APCDD1L: variants seen among roughly 807,000 people sequenced by gnomAD.
The protein encoded by APCDD1L is protein APCDD1-like.
Under a neutral mutation model 24.2 loss-of-function variants are expected in APCDD1L, and 21 were observed. The ratio of observed to expected loss-of-function variants is 0.87; its 90% CI spans 0.61 to 1.25. The LOEUF is 1.25. Among genes scored for constraint, APCDD1L ranks in the 50% most tolerant of loss-of-function variants. The pLI, the probability that APCDD1L is intolerant of heterozygous loss-of-function variation, is 0.00. For synonymous variants in APCDD1L, 321 were observed against 323.6 expected (o/e 0.99, Z 0.09); for missense variants, 704 against 711.7 (o/e 0.99, Z 0.12).
Position 58,514,710 on chromosome 20 carries a change from C to G in APCDD1L, c.-3G>C, listed in dbSNP as rs764834959. ...TAGGGGAGCATGGCTGCGGGCATCCCGTCGGGGCTGGCAGGACCGCCCGCC... is the reference window on the plus strand; with the variant it reads ...TAGGGGAGCATGGCTGCGGGCATCCGGTCGGGGCTGGCAGGACCGCCCGCC... On this transcript the variant is annotated 5_prime_UTR_variant, in exon 1 of 4. Transcript: ENST00000371149. The G allele has an allele frequency of 4.6e-6, 6 of 1,308,182 alleles. No individual in the cohort carries two copies. The East Asian group carries it at 8.5e-5, about 18-fold the overall frequency. The allele number at this position is 1,308,182 out of a possible 1,614,324, so 81.0% of individuals were successfully genotyped here. A position where few individuals can be genotyped will look rare whatever the true frequency, so the allele number is the denominator to read the frequency against.
At chr20:58,468,729 G>A (rs1205600595) in intron 2 of APCDD1L, among the ~76,000 whole-genome samples, 3 of 151,978 alleles carry the variant, frequency 2.0e-5, no homozygotes, top group African/African-American at 4.8e-5. Flanking sequence ...CACCATGCCC[G>A]GCCAATTTTT....
At chr20:58,478,950 G>T (rs537410394) in intron 1 of APCDD1L, among the ~76,000 whole-genome samples, 24 of 152,140 alleles carry the variant, frequency 1.6e-4, no homozygotes, top group South Asian at 6.2e-4. Flanking sequence ...AGGCTTAGAT[G>T]GGTTGGATCT....
Position 58,461,423 on chromosome 20 carries a change from C to A in APCDD1L, c.873G>T (p.Val291=). Residue 291 remains valine (V), a synonymous_variant, in exon 4 of 4, where the codon GTG becomes GTT. Transcript: ENST00000371149. This position sits in a 1 kb window ranked among gnomAD's most constrained non-coding sequence, Gnocchi z 6.0. ...GGGTGAGGAACAGGACTGCTGGGCG[C>A]ACCTCGCACCCCGAGCTGACCCACC... The part of the protein sequence containing the change: ...GGWWVSSGCE[V]RPAVLFLTRL... 6.5e-7 allele frequency: 1 copy of A among 1,531,586 alleles called. No individual in the cohort carries two copies. Among genetic ancestry groups the A allele is most frequent in the East Asian group, 2.3e-5 (1 of 43,700 alleles). The allele number at this position is 1,531,586 out of a possible 1,614,324, so 94.9% of individuals were successfully genotyped here.
At chr20:58,473,020 T>C (rs762482185) in intron 1 of APCDD1L, among the ~76,000 whole-genome samples, 6 of 152,174 alleles carry the variant, frequency 3.9e-5, no homozygotes, top group African/African-American at 7.2e-5. Flanking sequence ...ACATCTTCAG[T>C]GTCAACGAAA....
At chr20:58,499,366 A>T (rs1260486576) in intron 1 of APCDD1L, among the ~76,000 whole-genome samples, 1 of 152,130 alleles carries the variant, frequency 6.6e-6, no homozygotes, top group African/African-American at 2.4e-5. Context: ...AATGGAACCC[A>T]AGGGAAGCCT....
Position 58,494,423 on chromosome 20 carries a change from C to G in APCDD1L, c.49+20236G>C, listed in dbSNP as rs1990282022. On this transcript the variant is annotated intron_variant, in intron 1 of 3. Transcript: ENST00000371149. The surrounding 1 kb of genome is among the most constrained non-coding windows in gnomAD (Gnocchi z 4.8). Reference sequence around the variant, plus strand: ...GATCGGCTCACTGCAGCCTCAAACTCCCCGGCTCAAGCCATCCTCTGGCCT... The same window carrying G: ...GATCGGCTCACTGCAGCCTCAAACTGCCCGGCTCAAGCCATCCTCTGGCCT... Among the ~76,000 whole-genome samples the G allele has an allele frequency of 6.6e-6, 1 of 152,154 alleles. No homozygotes were observed. The highest frequency in any genetic ancestry group is 1.5e-5 in the Non-Finnish European group (1 of 68,046).
chr20:58,483,544 TA>T, intron 1 of APCDD1L, among the ~76,000 whole-genome samples: 1 of 152,134 alleles, frequency 6.6e-6, no homozygotes, highest in Admixed American at 6.5e-5. Context: ...CACAGAGGGA[TA>T]GATTATTTTA....
At position 58,460,148 on chromosome 20, in the gene APCDD1L, A is replaced by T. The variant is rs1989567727; in HGVS notation, c.*642T>A. 1 of 152,288 alleles carries T rather than the reference A, an allele frequency of 6.6e-6. No individual in the cohort carries two copies. The highest frequency in any genetic ancestry group is 1.5e-5 in the Non-Finnish European group (1 of 68,070). The allele number at this position is 152,288 out of a possible 1,614,324, so 9.4% of individuals were successfully genotyped here. ...AGCTTGAGGTCCGACTCGCAGAAGCACAGGCAAATGCAGACGAATGCCAGC... is the reference window on the plus strand; with the variant it reads ...AGCTTGAGGTCCGACTCGCAGAAGCTCAGGCAAATGCAGACGAATGCCAGC... On this transcript the variant is annotated 3_prime_UTR_variant, in exon 4 of 4. Coordinates refer to ENST00000371149, the MANE Select transcript of APCDD1L (RefSeq NM_153360.3). This position sits in a 1 kb window ranked among gnomAD's most constrained non-coding sequence, Gnocchi z 4.2.
At position 58,470,658 on chromosome 20, in the gene APCDD1L, T is replaced by C; in HGVS notation, c.139A>G (p.Ser47Gly). 2 of 1,574,718 alleles carry C rather than the reference T, an allele frequency of 1.3e-6. No individual in the cohort carries two copies. The highest frequency in any genetic ancestry group is 1.2e-5 in the South Asian group (1 of 85,700). The change falls in exon 2 of 4, where the codon AGC (serine) becomes GGC (glycine). Residue 47 changes from serine to glycine, a missense_variant. By Grantham distance (56) the Ser-to-Gly change is moderately conservative (BLOSUM62 0). Transcript: ENST00000371149. ...CQQPLPDRVP[S>G]TAILPPRLNG... is the part of the protein sequence containing the mutation. ...AGGCGTGGAGGCAGGATCGCAGTGC[T>C]GGGCACTCTATCTGGCAAGGGCTGC...
chr20:58,489,538 G>T (rs1021055512), intron 1 of APCDD1L, among the ~76,000 whole-genome samples: 2 of 151,968 alleles, frequency 1.3e-5, no homozygotes, highest in African/African-American at 2.4e-5. Context: ...AAAAAAATTA[G>T]CTGGGTGTGG....
intron 1 of APCDD1L, among the ~76,000 whole-genome samples, chr20:58,478,212 T>A (rs1989948887): frequency 6.6e-6 from 1 of 152,162 alleles, no homozygotes; most frequent in Admixed American, 6.5e-5. Context: ...CATTTTGTAT[T>A]TTTTTCAGTC....
chr20:58,508,622 C>A lies in APCDD1L; in HGVS notation c.49+6037G>T, dbSNP rs8119783. ...CTGGAGGAGCTGAGGAGGGCCTCTG[C>A]GGCAGGGCCCTTCAGTGCAGCTGTG... is the stretch of plus-strand genomic sequence containing the variant. On this transcript the variant is annotated intron_variant, in intron 1 of 3. Coordinates refer to ENST00000371149, the MANE Select transcript of APCDD1L (RefSeq NM_153360.3). This position sits in a 1 kb window ranked among gnomAD's most constrained non-coding sequence, Gnocchi z 4.0. Among the ~76,000 whole-genome samples, 2 of 152,094 alleles carry A rather than the reference C, an allele frequency of 1.3e-5. No individual in the cohort carries two copies. The highest frequency in any genetic ancestry group is 6.5e-5 in the Admixed American group (1 of 15,278).
chr20:58,480,231 G>A (rs1016359159), intron 1 of APCDD1L, among the ~76,000 whole-genome samples: 9 of 152,144 alleles, frequency 5.9e-5, no homozygotes, highest in Non-Finnish European at 1.2e-4. Context: ...CCCTCCACCC[G>A]CCGCAGCCTT....
rs1172718690 is a variant in APCDD1L, at chr20:58,467,161, G to T, written c.686C>A (p.Ala229Glu). The stretch of plus-strand genomic sequence containing the variant: ...CGTGGGCCGGTAGTGCCGCCTCTCC[G>T]CCGGGTCGGTGTGGATGTCCCCCAG... ...LYLGDIHTDP[A>E]ERRHYRPTGY... Residue 229 changes from alanine (A) to glutamate (E), a missense_variant, in exon 3 of 4, where the codon GCG becomes GAG. Coordinates refer to ENST00000371149, the MANE Select transcript of APCDD1L (RefSeq NM_153360.3). This position sits in a 1 kb window ranked among gnomAD's most constrained non-coding sequence, Gnocchi z 5.9. 6 of 1,607,810 alleles carry T rather than the reference G, an allele frequency of 3.7e-6. No individual in the cohort carries two copies. In the Admixed American group the frequency reaches 5.0e-5, roughly 13 times the overall value.
chr20:58,472,880 T>C (rs1040338190), intron 1 of APCDD1L, among the ~76,000 whole-genome samples: 1 of 152,186 alleles, frequency 6.6e-6, no homozygotes, highest in African/African-American at 2.4e-5. Context: ...CAGATCCCCA[T>C]GCAACTCGCC....
chr20:58,508,696 G>A lies in APCDD1L; in HGVS notation c.49+5963C>T, dbSNP rs139026648. Among the ~76,000 whole-genome samples the A allele has an allele frequency of 1.7e-3, 253 of 152,286 alleles. 2 individuals are homozygous for A. Among genetic ancestry groups the A allele is most frequent in the African/African-American group, 5.5e-3 (229 of 41,546 alleles). On this transcript the variant is annotated intron_variant, in intron 1 of 3. Coordinates refer to ENST00000371149, the MANE Select transcript of APCDD1L (RefSeq NM_153360.3). This position sits in a 1 kb window ranked among gnomAD's most constrained non-coding sequence, Gnocchi z 4.0. ...CTTACACTATGTTGGGTATATGAGCGATTACTGAGTACCTACTATGTGCCA... is the reference window on the plus strand; with the variant it reads ...CTTACACTATGTTGGGTATATGAGCAATTACTGAGTACCTACTATGTGCCA...
At chr20:58,483,452 A>C (rs1038334765) in intron 1 of APCDD1L, among the ~76,000 whole-genome samples, 1 of 152,136 alleles carries the variant, frequency 6.6e-6, no homozygotes, top group Non-Finnish European at 1.5e-5. Context: ...GACATTTTAC[A>C]CTGGATTAAT....
intron 2 of APCDD1L, among the ~76,000 whole-genome samples, chr20:58,468,665 T>C (rs570045847): frequency 6.6e-6 from 1 of 152,242 alleles, no homozygotes; most frequent in African/African-American, 2.4e-5. Context: ...CCTCCTGGGT[T>C]CAAGCAATTC....
At chr20:58,486,929 T>C (rs1990129622) in intron 1 of APCDD1L, among the ~76,000 whole-genome samples, 1 of 131,994 alleles carries the variant, frequency 7.6e-6, no homozygotes, top group Admixed American at 9.5e-5. Flanking sequence ...TGGCACAATC[T>C]TGGCTCACTG....
Sources: gnomAD v4.1 joint callset for allele counts (sites outside exome capture counted in the v4.1 genomes callset) on GRCh38, gnomAD v4.1.1 for gene constraint, Gnocchi (gnomAD v3.1) non-coding constraint, MANE v1.5 for transcripts, NCBI Gene and HGNC (gene_info 2026-07-23, HGNC 2026-07-21) for gene names.